GET4: variants seen among roughly 807,000 people sequenced by gnomAD.
GET4 encodes guided entry of tail-anchored proteins factor 4.
GET4 carries 20 observed loss-of-function variants against 40.0 expected under a neutral mutation model. The observed-to-expected ratio is 0.50, with a 90% CI of 0.35 to 0.73. The LOEUF is 0.73. Ranked by LOEUF, GET4 falls within the 30% of genes least tolerant of loss-of-function variation. GET4 has a pLI of 0.01. For synonymous variants in GET4, 280 were observed against 194.6 expected (o/e 1.44, Z -3.65); for missense variants, 557 against 454.0 (o/e 1.23, Z -2.06).
At chr7:891,873 C>T (rs117076514) in intron 5 of GET4, among the ~76,000 whole-genome samples, 40 of 152,388 alleles carry the variant, frequency 2.6e-4, no homozygotes, top group South Asian at 6.2e-4. Flanking sequence ...GGGCACTGAG[C>T]CCTCCCTGTG....
chr7:883,363 C>G (rs1265951220), intron 1 of GET4: 1 of 246,388 alleles, frequency 4.1e-6, no homozygotes, highest in Non-Finnish European at 6.5e-6. Flanking sequence ...CAGCTTCCGT[C>G]TGCCAAGAGA....
intron 3 of GET4, chr7:887,132 C>T: frequency 1.5e-6 from 1 of 677,134 alleles, no homozygotes; most frequent in Non-Finnish European, 2.8e-6. Context: ...CGGCACCTTC[C>T]CCAGCCCCCG....
In GET4 at chr7:879,446, G is replaced by A. The variant is rs1003738707; in HGVS notation, c.155+2646G>A. Among the ~76,000 whole-genome samples, 3 of 152,216 alleles carry A rather than the reference G, an allele frequency of 2.0e-5. No homozygotes were observed. In the South Asian group the frequency reaches 6.2e-4, roughly 31 times the overall value. On this transcript the variant is annotated intron_variant, in intron 1 of 8. Transcript: ENST00000265857. ...GTTGTCAATCTTAGCTGACCTGAAC[G>A]GGCTGGGATGAGGTCCTGGCATCTG... is the stretch of plus-strand genomic sequence containing the variant.
At chr7:879,175 C>T (rs772707314) in intron 1 of GET4, among the ~76,000 whole-genome samples, 1 of 152,222 alleles carries the variant, frequency 6.6e-6, no homozygotes, top group Non-Finnish European at 1.5e-5. Flanking sequence ...GGAGGTGCCA[C>T]TTTGGTTGTA....
At chr7:891,965 C>T (rs551849002) in intron 5 of GET4, among the ~76,000 whole-genome samples, 1 of 152,326 alleles carries the variant, frequency 6.6e-6, no homozygotes, top group East Asian at 1.9e-4. Context: ...GGGCCAGCGC[C>T]TGACCGGTGC....
intron 2 of GET4, 169 bp from the exon 3 acceptor site, chr7:886,400 C>T (rs1410088600): frequency 1.4e-5 from 9 of 628,944 alleles, no homozygotes; most frequent in African/African-American, 7.3e-5. Context: ...ATGTGATTCT[C>T]GGCCAGGAGC....
intron 8 of GET4, 31 bp downstream of exon 8, chr7:894,002 C>T: frequency 6.7e-7 from 1 of 1,491,662 alleles, no homozygotes; most frequent in Non-Finnish European, 9.1e-7. Context: ...CACACCCACT[C>T]CAGCCCTGGG....
At chr7:894,147 C>G (rs780560827) in intron 8 of GET4, among the ~76,000 whole-genome samples, 176 bp downstream of exon 8, 10 of 152,234 alleles carry the variant, frequency 6.6e-5, no homozygotes, top group Admixed American at 1.3e-4. Flanking sequence ...GTTGAGAATT[C>G]TGGCACGGTG....
rs1020111946 is a variant in GET4, at chr7:895,727, G to T, written c.*305G>T. 1 of 211,902 alleles carries T rather than the reference G, an allele frequency of 4.7e-6. No homozygotes were observed. Among genetic ancestry groups the T allele is most frequent in the Non-Finnish European group, 9.4e-6 (1 of 106,074 alleles). The allele number at this position is 211,902 out of a possible 1,614,324, so 13.1% of individuals were successfully genotyped here. ...CCACTCCTTTGTTCTGGGTCCTTTC[G>T]GGAGGGCTGATGGGCAGCACAGGAG... On this transcript the variant is annotated 3_prime_UTR_variant, in exon 9 of 9. Coordinates refer to ENST00000265857, the MANE Select transcript of GET4 (RefSeq NM_015949.3).
rs1336361938 is a variant in GET4 at position 895,550 on chromosome 7, C to T, written c.*128C>T. On this transcript the variant is annotated 3_prime_UTR_variant, in exon 9 of 9. Coordinates refer to ENST00000265857, the MANE Select transcript of GET4 (RefSeq NM_015949.3). ...GGCTGGCGGTGGCCGCATGCCGGCG[C>T]GTGTCTGTTTCTGTGCGGCGGCTCA... is the stretch of plus-strand genomic sequence containing the variant. 3.5e-5 allele frequency: 19 copies of T among 538,144 alleles called. 1 individual carries two copies. Among genetic ancestry groups the T allele is most frequent in the African/African-American group, 1.2e-4 (6 of 51,224 alleles). 33.3% of individuals were successfully genotyped at this position (538,144 alleles called of 1,614,324 possible).
chr7:887,107 G>A (rs1844206517), intron 3 of GET4: 1 of 652,326 alleles, frequency 1.5e-6, no homozygotes, highest in Non-Finnish European at 2.9e-6. Flanking sequence ...GCTGTTCCTG[G>A]ACTCCAGCTC....
intron 4 of GET4, among the ~76,000 whole-genome samples, chr7:887,839 T>C (rs1844224786): frequency 6.6e-6 from 1 of 152,364 alleles, no homozygotes; most frequent in Admixed American, 6.5e-5. Context: ...TTTCCAGCGC[T>C]GGGATGGTGC....
intron 5 of GET4, among the ~76,000 whole-genome samples, chr7:891,302 ACGCCCCT>A (rs1181377518): frequency 6.6e-6 from 1 of 151,996 alleles, no homozygotes; most frequent in Admixed American, 6.5e-5. Flanking sequence ...TGCCCTACAC[ACGCCCCT>A]CGCCTCTCGC....
chr7:890,436 T>G (rs200041310), intron 4 of GET4, among the ~76,000 whole-genome samples: 1 of 127,318 alleles, frequency 7.9e-6, no homozygotes, highest in Non-Finnish European at 1.7e-5. Flanking sequence ...GTGGAGGGAG[T>G]GTGAGCGGGT....
At chr7:882,103 G>C (rs566057692) in intron 1 of GET4, 27 of 152,396 alleles carry the variant, frequency 1.8e-4, no homozygotes, top group African/African-American at 6.5e-4. Flanking sequence ...ATTCCATGTC[G>C]GTGCTGTTGT....
chr7:895,320 G>T lies in GET4; in HGVS notation c.896-14G>T. 6.9e-7 allele frequency: 1 copy of T among 1,443,434 alleles called. No homozygotes were observed. The highest frequency in any genetic ancestry group is 9.7e-7 in the Non-Finnish European group (1 of 1,031,576). 89.4% of individuals were successfully genotyped at this position (1,443,434 alleles called of 1,614,324 possible). ...GCTGCCCAGGCGTGACTGCCACGGT[G>T]TTCTTCTTTCCAGGGAACCTTCTGA... On this transcript the variant is annotated splice_polypyrimidine_tract_variant and intron_variant, in intron 8 of 8. Coordinates refer to ENST00000265857, the MANE Select transcript of GET4 (RefSeq NM_015949.3).
intron 1 of GET4, among the ~76,000 whole-genome samples, chr7:879,049 A>G (rs1013810769): frequency 1.3e-5 from 2 of 152,124 alleles, no homozygotes; most frequent in East Asian, 3.8e-4. Context: ...TGGGGGGATG[A>G]GGAACCCCAT....
In GET4 at chr7:892,563, G is replaced by A; in HGVS notation, c.746+145G>A. ...GGTATATGCATAGGGTATGAGTGCT[G>A]GGTGTAGACGTGGCATAGGTGTGTG... On this transcript the variant is annotated intron_variant, in intron 6 of 8. Transcript: ENST00000265857. 5.3e-6 allele frequency: 4 copies of A among 757,072 alleles called. No homozygotes were observed. The East Asian group carries it at 8.1e-5, about 15-fold the overall frequency. The allele number at this position is 757,072 out of a possible 1,614,324, so 46.9% of individuals were successfully genotyped here.
At position 895,377 on chromosome 7, in the gene GET4, T is replaced by G. The variant is rs746219315; in HGVS notation, c.939T>G (p.Asp313Glu). ...TSLMGSSEQE[D>E]GEESPSDGSP... ...TCATGGGCTCCTCAGAGCAGGAGGA[T>G]GGGGAGGAGAGCCCCAGCGACGGCA... The change falls in exon 9 of 9, where the codon GAT (aspartate) becomes GAG (glutamate). Residue 313 changes from aspartate (D) to glutamate (E), a missense_variant. Physicochemically the swap from Asp to Glu is conservative, Grantham distance 45 (BLOSUM62 2). Transcript: ENST00000265857. The G allele has an allele frequency of 6.2e-7, 1 of 1,600,886 alleles. No individual in the cohort carries two copies. Among genetic ancestry groups the G allele is most frequent in the Non-Finnish European group, 8.5e-7 (1 of 1,169,804 alleles).
Sources: gnomAD v4.1 joint callset for allele counts (sites outside exome capture counted in the v4.1 genomes callset) on GRCh38, gnomAD v4.1.1 for gene constraint, MANE v1.5 for transcripts, NCBI Gene and HGNC (gene_info 2026-07-23, HGNC 2026-07-21) for gene names.